Variants in ARVCF observed in about 807,000 individuals in gnomAD.
ARVCF encodes ARVCF delta catenin family member, also known as splicing regulator ARVCF.
ARVCF carries 66 observed loss-of-function variants against 90.9 expected under a neutral mutation model. The ratio of observed to expected loss-of-function variants is 0.73; its 90% CI spans 0.60 to 0.89. ARVCF has a LOEUF of 0.89. Among genes scored for constraint, ARVCF ranks in the 40% least tolerant of loss-of-function variants. The pLI, the probability that ARVCF is intolerant of heterozygous loss-of-function variation, is 0.00. For missense variants in ARVCF, 1,469 were observed against 1,382.3 expected (o/e 1.06, Z -1.00); for synonymous variants, 653 against 603.4 (o/e 1.08, Z -1.21).
chr22:19,990,470 G>A, intron 3 of ARVCF, 115 bp downstream of exon 3: 1 of 1,303,154 alleles, frequency 7.7e-7, no homozygotes, highest in East Asian at 2.5e-5. Context: ...TCCTCCCCAG[G>A]AGCCCCAGCA....
rs1242123952 is a variant in ARVCF, at chr22:19,990,808, G to A, written c.-14C>T. On this transcript the variant is annotated 5_prime_UTR_variant, in exon 3 of 20. Transcript: ENST00000263207. Reference sequence around the variant, plus strand: ...GCAGTCCTCCATGACCAGAGCGCCCGCCAGCTGCAGGCAAAGCAGAGTAAG... The same window carrying A: ...GCAGTCCTCCATGACCAGAGCGCCCACCAGCTGCAGGCAAAGCAGAGTAAG... The A allele has an allele frequency of 5.8e-6, 9 of 1,546,530 alleles. No individual in the cohort carries two copies. The highest frequency in any genetic ancestry group is 2.7e-5 in the African/African-American group (2 of 73,094).
In ARVCF at chr22:19,981,637, G is replaced by C. The variant is rs921999506; in HGVS notation, c.470C>G (p.Pro157Arg). 1.9e-6 allele frequency: 3 copies of C among 1,609,296 alleles called. No homozygotes were observed. The Admixed American group carries it at 5.0e-5, about 27-fold the overall frequency. ...PLLDGGPPLG[P>R]FADGALDRHF... ...CCGGTCCAGGGCACCATCTGCAAAA[G>C]GGCCTAGTGGGGGGCCGCCATCCAG... is the stretch of plus-strand genomic sequence containing the variant. The change falls in exon 5 of 20, where the codon CCT becomes CGT. Residue 157 changes from proline to arginine, a missense_variant. Transcript: ENST00000263207.
intron 2 of ARVCF, among the ~76,000 whole-genome samples, chr22:19,991,253 G>A (rs1944014844): frequency 6.6e-6 from 1 of 152,270 alleles, no homozygotes; most frequent in Non-Finnish European, 1.5e-5. Flanking sequence ...ACCATTTGTA[G>A]CCACACAGCT....
chr22:19,970,055 G>A lies in ARVCF; in HGVS notation c.*701C>T, dbSNP rs1942661378. On this transcript the variant is annotated 3_prime_UTR_variant, in exon 20 of 20. Coordinates refer to ENST00000263207, the MANE Select transcript of ARVCF (RefSeq NM_001670.3). ...AAGCAGTCCCCCAGCCACTGCCGAA[G>A]GTCAGTCCCGGAGGTGCTGCCCAGG... 3 of 985,572 alleles carry A rather than the reference G, an allele frequency of 3.0e-6. No individual in the cohort carries two copies. Among genetic ancestry groups the A allele is most frequent in the South Asian group, 9.4e-5 (2 of 21,284 alleles). The allele number at this position is 985,572 out of a possible 1,614,324, so 61.1% of individuals were successfully genotyped here. A position where few individuals can be genotyped will look rare whatever the true frequency, so the allele number is the denominator to read the frequency against.
At position 19,977,503 on chromosome 22, in the gene ARVCF, C is replaced by G. The variant is rs369702667; in HGVS notation, c.1782G>C (p.Glu594Asp). The G allele has an allele frequency of 1.3e-6, 2 of 1,598,776 alleles. No homozygotes were observed. The highest frequency in any genetic ancestry group is 1.7e-6 in the Non-Finnish European group (2 of 1,171,650). ...KEVPGADRYQ[E>D]AEPGPLGSAV... ...CACTGCCCAGGGGCCCGGGCTCGGCCTCCTGGTACCTGTCGGCCCCGGGCA... is the reference window on the plus strand; with the variant it reads ...CACTGCCCAGGGGCCCGGGCTCGGCGTCCTGGTACCTGTCGGCCCCGGGCA... Residue 594 changes from glutamate to aspartate, a missense_variant, in exon 9 of 20, where the codon GAG (glutamate) becomes GAC (aspartate). By Grantham distance (45) the Glu-to-Asp change is conservative (BLOSUM62 2). Coordinates refer to ENST00000263207, the MANE Select transcript of ARVCF (RefSeq NM_001670.3).
intron 3 of ARVCF, among the ~76,000 whole-genome samples, chr22:19,984,390 G>A (rs937549585): frequency 2.0e-5 from 3 of 152,228 alleles, no homozygotes; most frequent in South Asian, 2.1e-4. Context: ...GCAACCCTGC[G>A]GCACCACCCA....
chr22:19,998,296 T>C (rs953380026), intron 2 of ARVCF, among the ~76,000 whole-genome samples: 3 of 152,158 alleles, frequency 2.0e-5, no homozygotes, highest in Non-Finnish European at 4.4e-5. Context: ...TCTATCACCA[T>C]GGAAACACCC....
chr22:19,979,556 G>C, intron 6 of ARVCF, 187 bp downstream of exon 6: 1 of 905,490 alleles, frequency 1.1e-6, no homozygotes, highest in Non-Finnish European at 1.6e-6. Context: ...CTATGGTAGA[G>C]ACTGGGGAAC....
Position 19,973,251 on chromosome 22 carries a change from GC to G in ARVCF, c.2305del (p.Ala769ProfsTer95). 2 of 1,609,850 alleles carry G rather than the reference GC, an allele frequency of 1.2e-6. No homozygotes were observed. The highest frequency in any genetic ancestry group is 1.7e-5 in the Admixed American group (1 of 59,770). ...CACCACGGTGTCTTCCTCCAGGCAG[GC>G]CCCCGGTCGCGGCGGAGCCTGTGCA... ...RNAQAPPRPGACLEEDTVVAV... is the reference protein window; with the variant it reads ...RNAQAPPRPGXCLEEDTVVAV... On this transcript the variant is annotated frameshift_variant, in exon 14 of 20. Transcript: ENST00000263207. LOFTEE classifies it high-confidence loss of function.
chr22:19,968,378 C>A (rs957593870), downstream of ARVCF, among the ~76,000 whole-genome samples: 2 of 152,196 alleles, frequency 1.3e-5, no homozygotes, highest in Non-Finnish European at 2.9e-5. Flanking sequence ...ACAGTCCTTT[C>A]CTGCAGGAGT....
Position 19,973,249 on chromosome 22 carries a change from AG to A in ARVCF, c.2307del (p.Cys770AlafsTer94), listed in dbSNP as rs747443430. ...GCCACCACGGTGTCTTCCTCCAGGC[AG>A]GCCCCCGGTCGCGGCGGAGCCTGTG... Reference protein sequence around the residue: ...RNAQAPPRPGACLEEDTVVAV... With the variant: ...RNAQAPPRPGXCLEEDTVVAV... On this transcript the variant is annotated frameshift_variant, in exon 14 of 20. Transcript: ENST00000263207. LOFTEE classifies it high-confidence loss of function. 1 of 1,610,286 alleles carries A rather than the reference AG, an allele frequency of 6.2e-7. No homozygotes were observed. The highest frequency in any genetic ancestry group is 1.3e-5 in the African/African-American group (1 of 74,886).
Position 19,975,875 on chromosome 22 carries a change from C to T in ARVCF, c.1889-118G>A, listed in dbSNP as rs925944870. The stretch of plus-strand genomic sequence containing the variant: ...CCAAAAGGCACCCCCATGTCCAGGC[C>T]TGGGCACCTGTGGGAGTGGAGCACC... On this transcript the variant is annotated intron_variant, in intron 10 of 19. Coordinates refer to ENST00000263207, the MANE Select transcript of ARVCF (RefSeq NM_001670.3). The T allele has an allele frequency of 5.9e-6, 6 of 1,017,200 alleles. No homozygotes were observed. The African/African-American group carries it at 9.6e-5, about 16-fold the overall frequency. 63.0% of individuals were successfully genotyped at this position (1,017,200 alleles called of 1,614,324 possible).
chr22:19,992,884 C>T (rs1944081839), intron 2 of ARVCF, among the ~76,000 whole-genome samples: 1 of 152,194 alleles, frequency 6.6e-6, no homozygotes, highest in Admixed American at 6.5e-5. Flanking sequence ...CTAAAGATGC[C>T]CACCCTAAAG....
chr22:19,984,230 G>C (rs1347492324), intron 3 of ARVCF, among the ~76,000 whole-genome samples: 1 of 152,266 alleles, frequency 6.6e-6, no homozygotes, highest in South Asian at 2.1e-4. Context: ...CTAGGCAGTG[G>C]GGGTAAGCGG....
chr22:19,996,271 C>T (rs1369931520), intron 2 of ARVCF, among the ~76,000 whole-genome samples: 1 of 151,048 alleles, frequency 6.6e-6, no homozygotes, highest in Admixed American at 6.6e-5. Flanking sequence ...CGAGGAAAGA[C>T]GCACAAGCGT....
rs773316962 is a variant in ARVCF at position 19,977,427 on chromosome 22, T to G, written c.1858A>C (p.Lys620Gln). 2 of 1,531,056 alleles carry G rather than the reference T, an allele frequency of 1.3e-6. No homozygotes were observed. Among genetic ancestry groups the G allele is most frequent in the Non-Finnish European group, 1.8e-6 (2 of 1,138,818 alleles). 94.8% of individuals were successfully genotyped at this position (1,531,056 alleles called of 1,614,324 possible). Residue 620 changes from lysine to glutamine, a missense_variant, in exon 9 of 20, where the codon AAG (lysine) becomes CAG (glutamine). Transcript: ENST00000263207. ...CCGCCCCACCCACCTTTGGCCTTCT[T>G]GCCTCCAAAGCAGCTGGCATCATCC... ...RRDDASCFGG[K>Q]KAKEEWFHQG...
In ARVCF at chr22:19,981,528, G is replaced by C. The variant is rs537829767; in HGVS notation, c.579C>G (p.Pro193=). The part of the protein sequence containing the change: ...LSSGGGFPEG[P]EPRDSPSYGS... ...CATAGCTGGGGCTGTCCCGGGGCTCGGGGCCTTCGGGAAAGCCACCCCCAC... is the reference window on the plus strand; with the variant it reads ...CATAGCTGGGGCTGTCCCGGGGCTCCGGGCCTTCGGGAAAGCCACCCCCAC... The change falls in exon 5 of 20, where the codon CCC becomes CCG. Residue 193 remains proline (P), a synonymous_variant. Coordinates refer to ENST00000263207, the MANE Select transcript of ARVCF (RefSeq NM_001670.3). 1 of 1,577,624 alleles carries C rather than the reference G, an allele frequency of 6.3e-7. No individual in the cohort carries two copies. Among genetic ancestry groups the C allele is most frequent in the Non-Finnish European group, 8.6e-7 (1 of 1,163,464 alleles).
chr22:20,016,566 C>G (rs1283604530), intron 1 of ARVCF, 23 bp downstream of exon 1: 1 of 152,102 alleles, frequency 6.6e-6, no homozygotes, highest in Admixed American at 6.5e-5. Context: ...GGTCCCACAC[C>G]CCGCCCACTG....
At chr22:19,987,187 C>T (rs946694753) in intron 3 of ARVCF, 1 of 405,272 alleles carries the variant, frequency 2.5e-6, no homozygotes, top group Admixed American at 4.5e-5. Flanking sequence ...GGCTCAGGCT[C>T]GGCGGACTCG....
Sources: allele counts gnomAD v4.1 joint callset (sites outside exome capture counted in the v4.1 genomes callset), GRCh38; gene constraint gnomAD v4.1.1; transcripts MANE v1.5; gene names NCBI Gene and HGNC (gene_info 2026-07-23, HGNC 2026-07-21).